RANGAP1: variants seen among roughly 807,000 people sequenced by gnomAD.
RANGAP1 encodes the protein ran GTPase-activating protein 1.
A neutral mutation model predicts 63.5 loss-of-function variants in RANGAP1; 38 were observed. The observed-to-expected ratio is 0.60, with a 90% confidence interval of 0.46 to 0.78. The LOEUF (loss-of-function observed/expected upper bound fraction) is 0.78, where lower values mean the gene tolerates loss of function less well. Ranked by LOEUF, RANGAP1 falls within the 30% of genes least tolerant of loss-of-function variation. RANGAP1 has a pLI of 0.00. For synonymous variants in RANGAP1, 329 were observed against 310.5 expected (o/e 1.06, Z -0.63); for missense variants, 630 against 740.3 (o/e 0.85, Z 1.73).
chr22:41,293,318 G>A, the RANGAP1 span, among the ~76,000 whole-genome samples: 1 of 151,976 alleles, frequency 6.6e-6, no homozygotes, highest in Non-Finnish European at 1.5e-5. Context: ...AGACTGACGG[G>A]GTAGGATTGC....
At position 41,268,163 on chromosome 22, in the gene RANGAP1, C is replaced by A. The variant is rs1026574745; in HGVS notation, c.241-7G>T. The A allele has an allele frequency of 3.9e-6, 6 of 1,546,932 alleles. No homozygotes were observed. The highest frequency in any genetic ancestry group is 5.3e-6 in the Non-Finnish European group (6 of 1,141,986). ...TGTCACTCCAGTGGCAGCGCTGCAACGGAAAGAAGAGAAGAGTTAGCGGGA... is the reference window on the plus strand; with the variant it reads ...TGTCACTCCAGTGGCAGCGCTGCAAAGGAAAGAAGAGAAGAGTTAGCGGGA... On this transcript the variant is annotated splice_region_variant and splice_polypyrimidine_tract_variant and intron_variant, in intron 3 of 15. Transcript: ENST00000356244.
chr22:41,248,708 G>GCCT (rs200760141), intron 15 of RANGAP1, among the ~76,000 whole-genome samples: 1,627 of 152,342 alleles, frequency 0.011, 25 homozygotes, highest in African/African-American at 0.038. Context: ...CAGAGGGCAA[G>GCCT]CCTCCCGACC....
At chr22:41,285,487 G>T in intron 1 of RANGAP1, 1 of 984,496 alleles carries the variant, frequency 1.0e-6, no homozygotes, top group Non-Finnish European at 1.2e-6. Flanking sequence ...CCGCAGCAAC[G>T]TCAGAGACTT....
chr22:41,300,996 C>T, the RANGAP1 span, among the ~76,000 whole-genome samples: 1 of 152,200 alleles, frequency 6.6e-6, no homozygotes, highest in South Asian at 2.1e-4. Flanking sequence ...CCCAAATACT[C>T]TCCCTGACCG....
At chr22:41,263,940 G>A (rs1308129841) in intron 5 of RANGAP1, among the ~76,000 whole-genome samples, 3 of 152,256 alleles carry the variant, frequency 2.0e-5, no homozygotes, top group Non-Finnish European at 2.9e-5. Flanking sequence ...AACTGGGATG[G>A]CATCAGCCAC....
rs780336623 is a variant in RANGAP1, at chr22:41,254,469, C to T, written c.1099G>A (p.Glu367Lys). The T allele has an allele frequency of 3.4e-5, 54 of 1,601,856 alleles. No individual in the cohort carries two copies. The highest frequency in any genetic ancestry group is 7.8e-5 in the South Asian group (7 of 89,382). Reference sequence around the variant, plus strand: ...TCCTCTTCTTCCTCTTCTCCTTCCTCCTCCTCCTCCTCGTCCTCGTCATCA... The same window carrying T: ...TCCTCTTCTTCCTCTTCTCCTTCCTTCTCCTCCTCCTCGTCCTCGTCATCA... ...LSDDEDEEEEEEGEEEEEEAE... is the reference protein window; with the variant it reads ...LSDDEDEEEEKEGEEEEEEAE... The change falls in exon 11 of 16, where the codon GAG (glutamate) becomes AAG (lysine). Residue 367 changes from glutamate (E) to lysine (K), a missense_variant. Physicochemically the swap from Glu to Lys is moderately conservative, Grantham distance 56. This residue lies in a region of RANGAP1 where 428 missense variants were observed against 465.5 expected (regional missense o/e 0.92). Transcript: ENST00000356244.
chr22:41,277,392 A>AT (rs2035220425), intron 2 of RANGAP1: 3 of 1,091,080 alleles, frequency 2.7e-6, no homozygotes, highest in Non-Finnish European at 2.4e-6. Context: ...GTGAGGATAT[A>AT]TTTTTTCCCT....
At chr22:41,280,747 G>A in intron 2 of RANGAP1, 186 bp downstream of exon 2, 1 of 1,522,368 alleles carries the variant, frequency 6.6e-7, no homozygotes, top group Non-Finnish European at 8.8e-7. Flanking sequence ...GGAAAGTGCA[G>A]GGGAGCTTGC....
chr22:41,282,086 T>C (rs2035524021), intron 1 of RANGAP1: 1 of 152,130 alleles, frequency 6.6e-6, no homozygotes. Flanking sequence ...ATCTCACCAC[T>C]GCACTCTAGC....
At chr22:41,299,257 C>A in the RANGAP1 span, among the ~76,000 whole-genome samples, 1 of 152,048 alleles carries the variant, frequency 6.6e-6, no homozygotes, top group South Asian at 2.1e-4. Flanking sequence ...CTCAGCCTCC[C>A]GAGTAGCTGG....
chr22:41,250,340 G>A (rs992334608), intron 13 of RANGAP1, among the ~76,000 whole-genome samples: 10 of 152,314 alleles, frequency 6.6e-5, no homozygotes, highest in Middle Eastern at 3.4e-3. Context: ...ACGCCACGCC[G>A]GGAAGAGGCA....
At chr22:41,296,850 C>T in the RANGAP1 span, among the ~76,000 whole-genome samples, 1 of 152,090 alleles carries the variant, frequency 6.6e-6, no homozygotes, top group Non-Finnish European at 1.5e-5. Flanking sequence ...GTCCTAAGAT[C>T]TACAGTCAGC....
chr22:41,292,961 C>T, the RANGAP1 span, among the ~76,000 whole-genome samples: 3 of 150,946 alleles, frequency 2.0e-5, no homozygotes, highest in Non-Finnish European at 4.4e-5. Flanking sequence ...TCTAGCCGGG[C>T]GCGGTGGCTC....
intron 12 of RANGAP1, among the ~76,000 whole-genome samples, chr22:41,252,150 G>A (rs1183794660): frequency 6.6e-6 from 1 of 152,046 alleles, no homozygotes; most frequent in Non-Finnish European, 1.5e-5. Flanking sequence ...GGCCAACGTG[G>A]TGAAACCTCG....
At chr22:41,279,377 G>A (rs958488575) in intron 2 of RANGAP1, among the ~76,000 whole-genome samples, 4 of 151,862 alleles carry the variant, frequency 2.6e-5, no homozygotes, top group Non-Finnish European at 5.9e-5. Context: ...GGCTGAGGCA[G>A]GAGAATGGCG....
chr22:41,268,064 C>A (rs1387178022), intron 4 of RANGAP1, 33 bp downstream of exon 4: 9 of 1,497,936 alleles, frequency 6.0e-6, no homozygotes, highest in Non-Finnish European at 8.2e-6. Flanking sequence ...GAGGGCCTTG[C>A]GCGTGGAGGG....
intron 10 of RANGAP1, 143 bp from the exon 11 acceptor site, chr22:41,254,637 G>C: frequency 1.4e-6 from 2 of 1,481,468 alleles, no homozygotes; most frequent in Non-Finnish European, 1.8e-6. Flanking sequence ...TCCCAGGGCA[G>C]GGGCAGGTGG....
intron 4 of RANGAP1, among the ~76,000 whole-genome samples, chr22:41,266,182 A>AACT (rs1365496723): frequency 1.3e-5 from 2 of 148,620 alleles, no homozygotes; most frequent in African/African-American, 5.0e-5. Flanking sequence ...AGCCTGGGAA[A>AACT]CAGAGTGAGA....
intron 5 of RANGAP1, among the ~76,000 whole-genome samples, chr22:41,262,227 AG>A (rs998787274): frequency 1.1e-4 from 16 of 152,206 alleles, no homozygotes; most frequent in Non-Finnish European, 2.2e-4. Context: ...GTGTGGTGCC[AG>A]GAAGTAGCTT....
Sources: allele counts gnomAD v4.1 joint callset (sites outside exome capture counted in the v4.1 genomes callset), GRCh38; gene constraint gnomAD v4.1.1; regional missense constraint gnomAD v4.1.1; transcripts MANE v1.5; gene names NCBI Gene and HGNC (gene_info 2026-07-23, HGNC 2026-07-21).